Variants in SNX14 observed in about 807,000 individuals in gnomAD.
SNX14 encodes the protein sorting nexin 14.
In SNX14, 93 loss-of-function variants were observed where a neutral mutation model predicts 133.8. The observed-to-expected ratio is 0.70, with a 90% CI of 0.59 to 0.83. The LOEUF is 0.83. Ranked by LOEUF, SNX14 falls within the 40% of genes least tolerant of loss-of-function variation. SNX14 has a pLI of 0.00. For missense variants in SNX14, 945 were observed against 1,094.9 expected (o/e 0.86, Z 1.93); for synonymous variants, 368 against 365.6 (o/e 1.01, Z -0.07).
At chr6:85,565,463 A>T in intron 5 of SNX14, 44 bp from the exon 6 acceptor site, 1 of 1,428,760 alleles carries the variant, frequency 7.0e-7, no homozygotes, top group South Asian at 1.3e-5. Context: ...TCAGAGAAAT[A>T]CAGTTTCACC....
chr6:85,514,181 G>A lies in SNX14; in HGVS notation c.2446C>T (p.Arg816Ter), dbSNP rs1337682235. ...DWLHHLLMGT[R>*]ILFKNTLEMY... ...TCCAGGGTGTTTTTAAAGAGGATTCGAGTTCCCATTAAGAGATGATGAAGC... is the reference window on the plus strand; with the variant it reads ...TCCAGGGTGTTTTTAAAGAGGATTCAAGTTCCCATTAAGAGATGATGAAGC... Residue 816 changes from arginine to a stop codon, truncating the protein, a stop_gained, in exon 25 of 29, where the codon CGA (arginine) becomes TGA (stop). Coordinates refer to ENST00000314673, the MANE Select transcript of SNX14 (RefSeq NM_153816.6). LOFTEE classifies it high-confidence loss of function. 5 of 1,613,814 alleles carry A rather than the reference G, an allele frequency of 3.1e-6. No homozygotes were observed. Among genetic ancestry groups the A allele is most frequent in the Non-Finnish European group, 3.4e-6 (4 of 1,179,944 alleles).
At chr6:85,581,275 G>C (rs139105432) in intron 1 of SNX14, 1 of 152,138 alleles carries the variant, frequency 6.6e-6, no homozygotes, top group African/African-American at 2.4e-5. Flanking sequence ...GAACCACAGC[G>C]TTACTAGGCT....
intron 28 of SNX14, among the ~76,000 whole-genome samples, chr6:85,506,581 GC>G (rs1282396282): frequency 6.6e-6 from 1 of 152,198 alleles, no homozygotes; most frequent in Non-Finnish European, 1.5e-5. Context: ...CTCCCAAGGT[GC>G]TGGGATTACA....
At chr6:85,549,329 C>T (rs1227855110) in intron 8 of SNX14, among the ~76,000 whole-genome samples, 4 of 151,964 alleles carry the variant, frequency 2.6e-5, no homozygotes, top group Admixed American at 6.6e-5. Context: ...ATTCTTTTTC[C>T]CAGCTGGATA....
intron 15 of SNX14, among the ~76,000 whole-genome samples, chr6:85,541,538 C>T (rs1783755044): frequency 6.6e-6 from 1 of 152,084 alleles, no homozygotes; most frequent in African/African-American, 2.4e-5. Context: ...ATTTTCTCTT[C>T]TATTACCTTT....
rs930313030 is a variant in SNX14 at position 85,533,763 on chromosome 6, G to A, written c.1646C>T (p.Pro549Leu). The change falls in exon 18 of 29, where the codon CCA (proline) becomes CTA (leucine). Residue 549 changes from proline to leucine, a missense_variant. Coordinates refer to ENST00000314673, the MANE Select transcript of SNX14 (RefSeq NM_153816.6). ...EGIVVMEDDS[P>L]VEAVSTPNTP... ...ATTAGGTGTGCTCACAGCCTCCACTGGAGAATCATCTTCCATTACAACAAT... is the reference window on the plus strand; with the variant it reads ...ATTAGGTGTGCTCACAGCCTCCACTAGAGAATCATCTTCCATTACAACAAT... The A allele has an allele frequency of 6.2e-7, 1 of 1,613,424 alleles. No individual in the cohort carries two copies. Among genetic ancestry groups the A allele is most frequent in the African/African-American group, 1.3e-5 (1 of 74,868 alleles).
intron 17 of SNX14, among the ~76,000 whole-genome samples, chr6:85,534,662 G>C (rs151197027): frequency 6.6e-6 from 1 of 152,112 alleles, no homozygotes; most frequent in African/African-American, 2.4e-5. Flanking sequence ...AGTACAACTT[G>C]TGTATCAAGC....
chr6:85,528,200 A>C (rs572422188), intron 20 of SNX14, 62 bp downstream of exon 20: 2 of 1,160,990 alleles, frequency 1.7e-6, no homozygotes, highest in East Asian at 4.8e-5. Flanking sequence ...CAAGAGAAAA[A>C]GAGACAAATT....
intron 26 of SNX14, among the ~76,000 whole-genome samples, chr6:85,511,276 C>T (rs986071839): frequency 6.6e-6 from 1 of 152,130 alleles, no homozygotes; most frequent in African/African-American, 2.4e-5. Flanking sequence ...TATCCTACCA[C>T]CCTGGTAAAA....
At chr6:85,534,452 G>T (rs1445319438) in intron 17 of SNX14, among the ~76,000 whole-genome samples, 2 of 152,114 alleles carry the variant, frequency 1.3e-5, no homozygotes, top group Non-Finnish European at 2.9e-5. Context: ...ATTCTAAATG[G>T]CATCATCTTA....
chr6:85,589,474 T>G lies in SNX14; in HGVS notation c.140+4105A>C, dbSNP rs60648629. The G allele has an allele frequency of 2.2e-3, 336 of 154,278 alleles. 1 individual carries two copies. The highest frequency in any genetic ancestry group is 6.7e-3 in the African/African-American group (277 of 41,614). 9.6% of individuals were successfully genotyped at this position (154,278 alleles called of 1,614,324 possible). A position where few individuals can be genotyped will look rare whatever the true frequency, so the allele number is the denominator to read the frequency against. On this transcript the variant is annotated intron_variant, in intron 1 of 28. Coordinates refer to ENST00000314673, the MANE Select transcript of SNX14 (RefSeq NM_153816.6). Reference sequence around the variant, plus strand: ...CTCAAGTGAGCCATCCACCTTGGCCTCCCAAAATGCTGGCATTACAGGCAT... The same window carrying G: ...CTCAAGTGAGCCATCCACCTTGGCCGCCCAAAATGCTGGCATTACAGGCAT...
rs569562072 is a variant in SNX14 at position 85,566,174 on chromosome 6, T to C, written c.462-755A>G. Reference sequence around the variant, plus strand: ...CACTTAGAAATACAACTAGATTTTATGTCGAAAGTGTCGTAATGAGAGATG... The same window carrying C: ...CACTTAGAAATACAACTAGATTTTACGTCGAAAGTGTCGTAATGAGAGATG... On this transcript the variant is annotated intron_variant, in intron 5 of 28. Transcript: ENST00000314673. 1.3e-4 allele frequency among the ~76,000 whole-genome samples: 20 copies of C among 152,332 alleles called. No individual in the cohort carries two copies. The South Asian group carries it at 4.1e-3, about 32-fold the overall frequency.
At chr6:85,547,635 A>T in intron 9 of SNX14, 85 bp from the exon 10 acceptor site, 1 of 1,158,944 alleles carries the variant, frequency 8.6e-7, no homozygotes, top group South Asian at 1.7e-5. Flanking sequence ...CATATTATGT[A>T]AGTTTCTAGA....
intron 1 of SNX14, among the ~76,000 whole-genome samples, chr6:85,576,075 G>A (rs1383098009): frequency 6.6e-6 from 1 of 151,930 alleles, no homozygotes; most frequent in African/African-American, 2.4e-5. Context: ...AGTTTTCAAT[G>A]TCTTGACAAA....
rs76166855 is a variant in SNX14 at position 85,551,103 on chromosome 6, G to T, written c.635-1224C>A. ...GCCTCAGAATTCTTTAATTGCATCT[G>T]CTTTCACATCCAAGTAACCTTTTAA... On this transcript the variant is annotated intron_variant, in intron 7 of 28. Coordinates refer to ENST00000314673, the MANE Select transcript of SNX14 (RefSeq NM_153816.6). Among the ~76,000 whole-genome samples, 101 of 152,208 alleles carry T rather than the reference G, an allele frequency of 6.6e-4. 1 individual carries two copies. The East Asian group carries it at 0.018, about 27-fold the overall frequency.
intron 26 of SNX14, among the ~76,000 whole-genome samples, chr6:85,510,448 A>C (rs1429091043): frequency 6.6e-6 from 1 of 152,164 alleles, no homozygotes; most frequent in Non-Finnish European, 1.5e-5. Context: ...ATATTTGGCC[A>C]ATTTTAAAAT....
At chr6:85,530,644 C>CA (rs761608276) in intron 18 of SNX14, among the ~76,000 whole-genome samples, 4,497 of 71,924 alleles carry the variant, frequency 0.063, 215 homozygotes, top group African/African-American at 0.19. Context: ...GACTCTGTCT[C>CA]AAAAAAAAAA....
rs543501925 is a variant in SNX14 at position 85,592,887 on chromosome 6, G to A, written c.140+692C>T. Among the ~76,000 whole-genome samples the A allele has an allele frequency of 2.6e-5, 4 of 151,996 alleles. No individual in the cohort carries two copies. In the East Asian group the frequency reaches 5.8e-4, roughly 22 times the overall value. Reference sequence around the variant, plus strand: ...GTAGCGTGGTGGCGTGGTGGCGGGCGCCTGTAGCCCCAGCTACTCGGGAGG... The same window carrying A: ...GTAGCGTGGTGGCGTGGTGGCGGGCACCTGTAGCCCCAGCTACTCGGGAGG... On this transcript the variant is annotated intron_variant, in intron 1 of 28. Transcript: ENST00000314673.
intron 23 of SNX14, among the ~76,000 whole-genome samples, chr6:85,516,314 T>C (rs1256978625): frequency 6.6e-6 from 1 of 152,222 alleles, no homozygotes; most frequent in Non-Finnish European, 1.5e-5. Flanking sequence ...TCTTCTCTTA[T>C]TTTTCTCCCT....
Sources: gnomAD v4.1 joint callset for allele counts (sites outside exome capture counted in the v4.1 genomes callset) on GRCh38, gnomAD v4.1.1 for gene constraint, MANE v1.5 for transcripts, NCBI Gene and HGNC (gene_info 2026-07-23, HGNC 2026-07-21) for gene names.